GFRA1: variants seen among roughly 807,000 people sequenced by gnomAD.
GFRA1 encodes GDNF family receptor alpha 1.
In GFRA1, 16 loss-of-function variants were observed where a neutral mutation model predicts 51.6. That is an observed-to-expected ratio of 0.31 (90% confidence interval 0.21 to 0.47). GFRA1 has a LOEUF of 0.47. GFRA1 is among the 20% of genes least tolerant of loss of function. The pLI is 1.00. For synonymous variants in GFRA1, 270 were observed against 241.3 expected (o/e 1.12, Z -1.10); for missense variants, 530 against 594.3 (o/e 0.89, Z 1.13).
intron 5 of GFRA1, among the ~76,000 whole-genome samples, chr10:116,180,597 C>A (rs966009304): frequency 6.6e-6 from 1 of 152,228 alleles, no homozygotes; most frequent in Non-Finnish European, 1.5e-5. Flanking sequence ...TTTCTCTCTA[C>A]AACTAATTAT....
chr10:116,060,197 C>T lies in GFRA1; in HGVS notation c.*4201G>A, dbSNP rs1391060348. The stretch of plus-strand genomic sequence containing the variant: ...ACAACAGACTTAAAACAAATGGTCA[C>T]TTGAGAAGCAGAGCCGTGTCAAAGC... On this transcript the variant is annotated 3_prime_UTR_variant, in exon 11 of 11. Coordinates refer to ENST00000355422, the MANE Select transcript of GFRA1 (RefSeq NM_005264.8). 1 of 152,170 alleles carries T rather than the reference C, an allele frequency of 6.6e-6. No individual in the cohort carries two copies. Among genetic ancestry groups the T allele is most frequent in the East Asian group, 1.9e-4 (1 of 5,186 alleles). The allele number at this position is 152,170 out of a possible 1,614,324, so 9.4% of individuals were successfully genotyped here.
chr10:116,274,647 G>T (rs1467469306), upstream of GFRA1, among the ~76,000 whole-genome samples: 1 of 152,158 alleles, frequency 6.6e-6, no homozygotes, highest in East Asian at 1.9e-4. Context: ...AAACCCGGGG[G>T]ACATCCTACG....
chr10:116,271,529 G>A (rs956539450), intron 2 of GFRA1, among the ~76,000 whole-genome samples: 3 of 152,142 alleles, frequency 2.0e-5, no homozygotes, highest in Non-Finnish European at 4.4e-5. Context: ...GGCGGACTGG[G>A]CACCGGGCGC....
chr10:116,127,639 C>G (rs1813701161), intron 5 of GFRA1, among the ~76,000 whole-genome samples: 1 of 152,180 alleles, frequency 6.6e-6, no homozygotes, highest in Admixed American at 6.5e-5. Context: ...CTCTCTAGCT[C>G]CTCTATTTCC....
chr10:116,120,767 G>A (rs1161067705), intron 6 of GFRA1, among the ~76,000 whole-genome samples: 1 of 152,176 alleles, frequency 6.6e-6, no homozygotes, highest in East Asian at 1.9e-4. Context: ...TGGCTGCATA[G>A]GTGAGTATAA....
chr10:116,207,579 G>A (rs1048056446), intron 5 of GFRA1, among the ~76,000 whole-genome samples: 1 of 151,944 alleles, frequency 6.6e-6, no homozygotes, highest in Non-Finnish European at 1.5e-5. Context: ...TCTTTCCTCT[G>A]CATCGTACTC....
intron 5 of GFRA1, among the ~76,000 whole-genome samples, chr10:116,149,734 T>C (rs1323438529): frequency 1.3e-5 from 2 of 152,206 alleles, no homozygotes; most frequent in African/African-American, 4.8e-5. Context: ...TTCCCTCCTA[T>C]GTACATTTTA....
chr10:116,244,522 A>G (rs1967710067), intron 4 of GFRA1, among the ~76,000 whole-genome samples: 1 of 148,562 alleles, frequency 6.7e-6, no homozygotes, highest in Non-Finnish European at 1.5e-5. Context: ...AAAAATATAT[A>G]AAGTTCCTAT....
At chr10:116,193,805 C>G (rs1963478515) in intron 5 of GFRA1, among the ~76,000 whole-genome samples, 1 of 151,652 alleles carries the variant, frequency 6.6e-6, no homozygotes, top group Non-Finnish European at 1.5e-5. Flanking sequence ...TGCCTGTAAT[C>G]CCAGCACTTT....
At chr10:116,079,845 T>C (rs1279803193) in intron 9 of GFRA1, among the ~76,000 whole-genome samples, 1 of 152,108 alleles carries the variant, frequency 6.6e-6, no homozygotes, top group African/African-American at 2.4e-5. Context: ...CAGCAGAGAA[T>C]ACCAGGGGAA....
chr10:116,175,991 G>A (rs544602324), intron 5 of GFRA1, among the ~76,000 whole-genome samples: 2 of 152,214 alleles, frequency 1.3e-5, no homozygotes, highest in South Asian at 2.1e-4. Context: ...GGCTACTAAT[G>A]TCTGATGCAG....
chr10:116,092,423 CGT>C (rs1491372337), intron 8 of GFRA1, among the ~76,000 whole-genome samples: 3 of 151,082 alleles, frequency 2.0e-5, no homozygotes, highest in African/African-American at 4.9e-5. Context: ...CGTGTGTGTG[CGT>C]GTGTATGCAT....
chr10:116,213,661 C>G (rs909461359), intron 4 of GFRA1, among the ~76,000 whole-genome samples: 1 of 152,178 alleles, frequency 6.6e-6, no homozygotes, highest in Non-Finnish European at 1.5e-5. Flanking sequence ...TCAGCTCCTA[C>G]AAAACCACAA....
chr10:116,155,693 C>T (rs922323805), intron 5 of GFRA1, among the ~76,000 whole-genome samples: 42 of 152,140 alleles, frequency 2.8e-4, no homozygotes, highest in Non-Finnish European at 5.0e-4. Context: ...GGAAGGAGCA[C>T]AATTATTTTC....
chr10:116,261,662 G>A lies in GFRA1; in HGVS notation c.418+7841C>T, dbSNP rs1056525661. 3.3e-5 allele frequency among the ~76,000 whole-genome samples: 5 copies of A among 152,172 alleles called. No individual in the cohort carries two copies. The South Asian group carries it at 1.0e-3, about 31-fold the overall frequency. On this transcript the variant is annotated intron_variant, in intron 4 of 10. Coordinates refer to ENST00000355422, the MANE Select transcript of GFRA1 (RefSeq NM_005264.8). ...CTTTATAAAGGTTATGAACATGAAAGACATATGCCAAGATCACAAGTTTCC... is the reference window on the plus strand; with the variant it reads ...CTTTATAAAGGTTATGAACATGAAAAACATATGCCAAGATCACAAGTTTCC...
chr10:116,267,089 T>C (rs2134799863), intron 4 of GFRA1, among the ~76,000 whole-genome samples: 1 of 152,116 alleles, frequency 6.6e-6, no homozygotes, highest in South Asian at 2.1e-4. Context: ...AACAGTGACC[T>C]GTGATCAGGC....
intron 4 of GFRA1, among the ~76,000 whole-genome samples, chr10:116,250,468 T>C (rs1253537610): frequency 6.6e-6 from 1 of 152,230 alleles, no homozygotes; most frequent in East Asian, 1.9e-4. Context: ...CAGGATTCTA[T>C]AATTATCTTC....
chr10:116,096,241 C>A (rs1244328515), intron 7 of GFRA1, among the ~76,000 whole-genome samples: 1 of 152,116 alleles, frequency 6.6e-6, no homozygotes, highest in Non-Finnish European at 1.5e-5. Flanking sequence ...GGGAAGCAGC[C>A]TTTTTGATTT....
rs891180998 is a variant in GFRA1, at chr10:116,062,507, G to A, written c.*1891C>T. The A allele has an allele frequency of 6.0e-6, 1 of 165,626 alleles. No homozygotes were observed. The highest frequency in any genetic ancestry group is 2.4e-5 in the African/African-American group (1 of 42,046). The allele number at this position is 165,626 out of a possible 1,614,324, so 10.3% of individuals were successfully genotyped here. ...CACAAATATACTTTTAACACCAATA[G>A]AGCTGAAAGACTATGCCTTTATCTT... is the stretch of plus-strand genomic sequence containing the variant. On this transcript the variant is annotated 3_prime_UTR_variant, in exon 11 of 11. Transcript: ENST00000355422.
Sources: allele counts gnomAD v4.1 joint callset (sites outside exome capture counted in the v4.1 genomes callset), GRCh38; gene constraint gnomAD v4.1.1; transcripts MANE v1.5; gene names NCBI Gene and HGNC (gene_info 2026-07-23, HGNC 2026-07-21).